Variants in GPR107 observed in about 807,000 individuals in gnomAD.
GPR107 encodes the protein G protein-coupled receptor 107.
Under a neutral mutation model 75.5 loss-of-function variants are expected in GPR107, and 31 were observed. That is an observed-to-expected ratio of 0.41 (90% confidence interval 0.31 to 0.55). GPR107 has a LOEUF of 0.55. GPR107 is among the 20% of genes least tolerant of loss of function. GPR107 has a pLI of 0.26. For synonymous variants in GPR107, 267 were observed against 251.3 expected, an observed-to-expected ratio of 1.06 and a Z score of -0.59; for missense variants, 572 against 665.7, an observed-to-expected ratio of 0.86 and a Z score of 1.55.
At chr9:130,128,878 T>C (rs1831751093) in intron 17 of GPR107, 117 bp downstream of exon 17, 1 of 918,716 alleles carries the variant, frequency 1.1e-6, no homozygotes, top group Admixed American at 2.3e-5. Flanking sequence ...GTGGTTCCTC[T>C]ATTTTTAGCA....
intron 14 of GPR107, among the ~76,000 whole-genome samples, chr9:130,122,900 C>CTGAG (rs1831580775): frequency 6.6e-6 from 1 of 152,146 alleles, no homozygotes; most frequent in Non-Finnish European, 1.5e-5. Context: ...ACTCAGGAGG[C>CTGAG]TGAGGATCAC....
chr9:130,089,981 G>T (rs987339060), intron 7 of GPR107, among the ~76,000 whole-genome samples: 1 of 152,044 alleles, frequency 6.6e-6, no homozygotes, highest in African/African-American at 2.4e-5. Context: ...CACCACCCAG[G>T]ACAAGAAATA....
chr9:130,080,233 G>A (rs949557093), intron 5 of GPR107, among the ~76,000 whole-genome samples: 5 of 152,070 alleles, frequency 3.3e-5, no homozygotes, highest in South Asian at 2.1e-4. Context: ...AACTGTCTTC[G>A]TATAGCGAAC....
intron 1 of GPR107, among the ~76,000 whole-genome samples, chr9:130,054,455 C>G (rs1480512164): frequency 6.6e-6 from 1 of 152,240 alleles, no homozygotes; most frequent in Non-Finnish European, 1.5e-5. Flanking sequence ...GCGGTCTCCG[C>G]TCTTCTGTGC....
intron 6 of GPR107, among the ~76,000 whole-genome samples, chr9:130,084,723 CTA>C (rs1830574928): frequency 6.6e-6 from 1 of 151,212 alleles, no homozygotes; most frequent in Non-Finnish European, 1.5e-5. Flanking sequence ...CTACAGTGAG[CTA>C]TGATTGTGCC....
chr9:130,062,632 TCCTGCCTGCCTGCCTGCCTGCCTGCCTG>T (rs536746664), intron 1 of GPR107, among the ~76,000 whole-genome samples: 127 of 137,006 alleles, frequency 9.3e-4, no homozygotes, highest in Middle Eastern at 7.5e-3. Context: ...CTTCCTGCCT[TCCTGCCTGCCTGCCTGCCTGCCTGCCTG>T]CCTTCCTTCC....
chr9:130,062,426 A>G (rs867963800), intron 1 of GPR107, among the ~76,000 whole-genome samples: 4 of 114,722 alleles, frequency 3.5e-5, no homozygotes, highest in Admixed American at 8.0e-5. Flanking sequence ...AAATGATAAT[A>G]ATAATAATAA....
At chr9:130,066,513 C>G (rs1672257181) in intron 1 of GPR107, among the ~76,000 whole-genome samples, 1 of 151,938 alleles carries the variant, frequency 6.6e-6, no homozygotes, top group African/African-American at 2.4e-5. Context: ...AAACTATGAT[C>G]AGTATGAAAA....
At chr9:130,089,321 G>C (rs1830680323) in intron 7 of GPR107, among the ~76,000 whole-genome samples, 1 of 152,212 alleles carries the variant, frequency 6.6e-6, no homozygotes, top group East Asian at 1.9e-4. Context: ...TGCTGAAACA[G>C]CCCATCCGCA....
At position 130,112,374 on chromosome 9, in the gene GPR107, G is replaced by T. The variant is rs1478525799; in HGVS notation, c.1306+4835G>T. Among the ~76,000 whole-genome samples the T allele has an allele frequency of 3.9e-5, 6 of 152,186 alleles. No individual in the cohort carries two copies. The highest frequency in any genetic ancestry group is 1.4e-4 in the African/African-American group (6 of 41,436). ...TCAAAACTATTTTCATAATCATACG[G>T]TGTGAGTCTCTTGTGCTGTTGACAT... is the stretch of plus-strand genomic sequence containing the variant. On this transcript the variant is annotated intron_variant, in intron 14 of 17. Coordinates refer to ENST00000347136, the MANE Select transcript of GPR107 (RefSeq NM_020960.5). The surrounding 1 kb of genome is among the most constrained non-coding windows in gnomAD (Gnocchi z 4.0).
At chr9:130,080,462 G>A (rs996662504) in intron 5 of GPR107, among the ~76,000 whole-genome samples, 1 of 120,916 alleles carries the variant, frequency 8.3e-6, no homozygotes, top group African/African-American at 3.0e-5. Flanking sequence ...AGGCAAAAAA[G>A]GTATTCCTGT....
chr9:130,108,992 C>CTTTTT (rs11316244), intron 14 of GPR107, among the ~76,000 whole-genome samples: 7 of 66,052 alleles, frequency 1.1e-4, no homozygotes, highest in African/African-American at 1.9e-4. Context: ...TGGGGATATT[C>CTTTTT]TTTTTTTTTT....
At chr9:130,082,726 A>G (rs1460542751) in intron 5 of GPR107, among the ~76,000 whole-genome samples, 3 of 151,904 alleles carry the variant, frequency 2.0e-5, no homozygotes, top group Non-Finnish European at 2.9e-5. Flanking sequence ...TGATCCGCCC[A>G]TCTCAGCCTC....
chr9:130,129,368 C>T (rs770108623), intron 17 of GPR107: 2 of 152,334 alleles, frequency 1.3e-5, no homozygotes, highest in Non-Finnish European at 2.9e-5. Context: ...TAAGCCAGGT[C>T]AATGCTGTGT....
chr9:130,110,662 C>T (rs1462753853), intron 14 of GPR107, among the ~76,000 whole-genome samples: 2 of 152,244 alleles, frequency 1.3e-5, no homozygotes, highest in East Asian at 1.9e-4. Context: ...CCAGAGCAGC[C>T]GTGTTCCCAG....
intron 13 of GPR107, among the ~76,000 whole-genome samples, chr9:130,106,341 G>GT (rs1831154154): frequency 6.6e-6 from 1 of 152,000 alleles, no homozygotes; most frequent in Admixed American, 6.6e-5. Context: ...GTTCACGCCT[G>GT]TAATCCCAGC....
chr9:130,111,147 G>A (rs1340756352), intron 14 of GPR107, among the ~76,000 whole-genome samples: 1 of 152,054 alleles, frequency 6.6e-6, no homozygotes, highest in African/African-American at 2.4e-5. Flanking sequence ...GTGAGCCACT[G>A]CATCTGGCCA....
Position 130,128,663 on chromosome 9 carries a change from G to C in GPR107, c.1464G>C (p.Leu488=). ...AGCTCCTGGATGAAACGGCCACACT[G>C]GTCTTCTTTGTTCTAACGGGGTATA... ...LYQLLDETAT[L]VFFVLTGYKF... The change falls in exon 17 of 18, where the codon CTG becomes CTC. Residue 488 remains leucine (L), a synonymous_variant. Coordinates refer to ENST00000347136, the MANE Select transcript of GPR107 (RefSeq NM_020960.5). 3 of 1,611,406 alleles carry C rather than the reference G, an allele frequency of 1.9e-6. No individual in the cohort carries two copies. The highest frequency in any genetic ancestry group is 2.5e-6 in the Non-Finnish European group (3 of 1,177,554).
At chr9:130,108,406 A>G (rs1262921840) in intron 14 of GPR107, among the ~76,000 whole-genome samples, 1 of 152,246 alleles carries the variant, frequency 6.6e-6, no homozygotes, top group Non-Finnish European at 1.5e-5. Context: ...GTAGCTGTAA[A>G]TCTTCTTTCA....
Sources: allele counts gnomAD v4.1 joint callset (sites outside exome capture counted in the v4.1 genomes callset), GRCh38; gene constraint gnomAD v4.1.1; non-coding constraint Gnocchi (gnomAD v3.1); transcripts MANE v1.5; gene names NCBI Gene and HGNC (gene_info 2026-07-23, HGNC 2026-07-21).